Variants in VWA3B observed in about 807,000 individuals in gnomAD.
VWA3B encodes von Willebrand factor A domain containing 3B, also known as von Willebrand factor A domain-containing protein 3B.
In VWA3B, 138 loss-of-function variants were observed where a neutral mutation model predicts 158.3. The ratio of observed to expected loss-of-function variants is 0.87; its 90% confidence interval spans 0.76 to 1.00. The LOEUF (loss-of-function observed/expected upper bound fraction) is 1.00. VWA3B is among the 50% of genes least tolerant of loss of function. The pLI, the probability that VWA3B is intolerant of heterozygous loss-of-function variation, is 0.00. For synonymous variants in VWA3B, 596 were observed against 587.3 expected (o/e 1.01, Z -0.21); for missense variants, 1,555 against 1,565.1 (o/e 0.99, Z 0.11).
At chr2:98,290,412 C>A in intron 22 of VWA3B, 99 bp from the exon 23 acceptor site, 1 of 890,316 alleles carries the variant, frequency 1.1e-6, no homozygotes, top group Non-Finnish European at 1.7e-6. Context: ...TGGATGGGGA[C>A]ACAGAGCCAA....
the VWA3B span, among the ~76,000 whole-genome samples, chr2:98,324,639 CAG>C: frequency 6.6e-6 from 1 of 152,182 alleles, no homozygotes; most frequent in African/African-American, 2.4e-5. Context: ...TAACAGAATT[CAG>C]AGTCTCTACA....
chr2:98,179,157 G>C, intron 8 of VWA3B: 1 of 467,156 alleles, frequency 2.1e-6, no homozygotes, highest in South Asian at 1.6e-5. Flanking sequence ...GATGTGCACA[G>C]CCAGCTCCAG....
chr2:98,156,450 A>G (rs1678083632), intron 7 of VWA3B, among the ~76,000 whole-genome samples: 1 of 152,180 alleles, frequency 6.6e-6, no homozygotes. Flanking sequence ...TCACAGAGAT[A>G]GGGCCGTTGC....
intron 14 of VWA3B, among the ~76,000 whole-genome samples, chr2:98,227,964 A>C (rs1685047052): frequency 6.6e-6 from 1 of 152,208 alleles, no homozygotes; most frequent in African/African-American, 2.4e-5. Context: ...AAAATTCTTT[A>C]GATTCTTCTT....
Position 98,121,414 on chromosome 2 carries a change from G to T in VWA3B, c.658G>T (p.Ala220Ser), listed in dbSNP as rs774738466. The T allele has an allele frequency of 1.2e-6, 2 of 1,614,200 alleles. No homozygotes were observed. Among genetic ancestry groups the T allele is most frequent in the Non-Finnish European group, 1.7e-6 (2 of 1,180,040 alleles). ...GACGGTTGAGCTGACTGTGAGCGAGGCTGGCCGCCTGGATGCTCTGCTGGA... is the reference window on the plus strand; with the variant it reads ...GACGGTTGAGCTGACTGTGAGCGAGTCTGGCCGCCTGGATGCTCTGCTGGA... ...KLTVELTVSE[A>S]GRLDALLEAG... Residue 220 changes from alanine to serine, a missense_variant, in exon 5 of 28, where the codon GCT (alanine) becomes TCT (serine). Transcript: ENST00000477737.
chr2:98,101,451 A>G (rs1027332809), intron 2 of VWA3B, among the ~76,000 whole-genome samples: 1 of 152,210 alleles, frequency 6.6e-6, no homozygotes, highest in Non-Finnish European at 1.5e-5. Flanking sequence ...TACTCCTTCA[A>G]TCAGGGAAAT....
intron 8 of VWA3B, chr2:98,179,139 A>T (rs1465614097): frequency 2.2e-6 from 1 of 460,276 alleles, no homozygotes; most frequent in Non-Finnish European, 4.5e-6. Context: ...CCCAGCATGG[A>T]GTTGGGAGAT....
At chr2:98,294,937 G>A (rs963041826) in intron 23 of VWA3B, among the ~76,000 whole-genome samples, 5 of 152,152 alleles carry the variant, frequency 3.3e-5, no homozygotes, top group Non-Finnish European at 7.4e-5. Flanking sequence ...GATTAAATGC[G>A]ATGACGTACA....
Position 98,227,052 on chromosome 2 carries a change from G to A in VWA3B, c.2020-1150G>A, listed in dbSNP as rs184737968. Among the ~76,000 whole-genome samples the A allele has an allele frequency of 1.2e-4, 18 of 152,136 alleles. No homozygotes were observed. In the East Asian group the frequency reaches 1.9e-3, roughly 16 times the overall value. ...TATTGGATTTCTGGCCAGGGCAATC[G>A]GGCAAGAGAAAGAAATAAAGGGTGT... On this transcript the variant is annotated intron_variant, in intron 14 of 27. Transcript: ENST00000477737.
At chr2:98,164,697 T>A (rs2105257860) in intron 8 of VWA3B, among the ~76,000 whole-genome samples, 1 of 152,352 alleles carries the variant, frequency 6.6e-6, no homozygotes. Flanking sequence ...TTTCCATGAT[T>A]TAATTAGCAC....
chr2:98,144,488 T>G (rs1402289793), intron 7 of VWA3B, among the ~76,000 whole-genome samples: 3 of 152,140 alleles, frequency 2.0e-5, no homozygotes, highest in East Asian at 1.9e-4. Flanking sequence ...TTGGCTGAAG[T>G]TCCTCTTCTA....
rs183145214 is a variant in VWA3B, at chr2:98,199,977, A to G, written c.1737+5485A>G. On this transcript the variant is annotated intron_variant, in intron 12 of 27. Coordinates refer to ENST00000477737, the MANE Select transcript of VWA3B (RefSeq NM_144992.5). The stretch of plus-strand genomic sequence containing the variant: ...CGTTTTGCATTCCCGTCAGTGATAT[A>G]TGAGAGTTACCATTACTTTACATCT... 6.4e-3 allele frequency among the ~76,000 whole-genome samples: 970 copies of G among 152,322 alleles called. 102 individuals carry two copies. In the South Asian group the frequency reaches 0.19, roughly 29 times the overall value.
chr2:98,230,219 C>T lies in VWA3B; in HGVS notation c.2308+12C>T. On this transcript the variant is annotated intron_variant, in intron 16 of 27. Coordinates refer to ENST00000477737, the MANE Select transcript of VWA3B (RefSeq NM_144992.5). ...AGTCCTTCACGCAGGTATCAGTGAA[C>T]AAAATGGCTTGACTCTTTGCTGGTT... 6.5e-7 allele frequency: 1 copy of T among 1,533,892 alleles called. No individual in the cohort carries two copies. The highest frequency in any genetic ancestry group is 1.3e-5 in the South Asian group (1 of 76,512).
chr2:98,193,824 G>A (rs770409903), intron 11 of VWA3B, among the ~76,000 whole-genome samples: 11 of 152,048 alleles, frequency 7.2e-5, no homozygotes, highest in Non-Finnish European at 7.4e-5. Context: ...TCCTGACCTC[G>A]TGATCCGCCC....
chr2:98,219,481 A>G (rs368807967), intron 14 of VWA3B, among the ~76,000 whole-genome samples: 33 of 152,362 alleles, frequency 2.2e-4, no homozygotes, highest in South Asian at 1.2e-3. Context: ...CAGAGCATCA[A>G]TGAGTCGTGG....
intron 7 of VWA3B, among the ~76,000 whole-genome samples, chr2:98,151,395 G>A (rs944691598): frequency 3.9e-5 from 6 of 152,284 alleles, no homozygotes; most frequent in African/African-American, 9.6e-5. Flanking sequence ...GTGAGCCACC[G>A]CTTCCAGCAA....
At chr2:98,220,937 A>G (rs1049826262) in intron 14 of VWA3B, among the ~76,000 whole-genome samples, 6 of 152,120 alleles carry the variant, frequency 3.9e-5, no homozygotes, top group Non-Finnish European at 7.3e-5. Context: ...ACATGGACAC[A>G]GGGAGGGGAA....
chr2:98,308,769 C>T (rs1472182561), intron 26 of VWA3B, among the ~76,000 whole-genome samples: 2 of 152,242 alleles, frequency 1.3e-5, no homozygotes, highest in African/African-American at 2.4e-5. Flanking sequence ...TGAATACACA[C>T]ACCTGGTGCC....
chr2:98,129,310 CAT>C (rs1389822281), intron 6 of VWA3B, among the ~76,000 whole-genome samples: 4 of 136,162 alleles, frequency 2.9e-5, no homozygotes, highest in African/African-American at 1.1e-4. Context: ...AGGAGAGAGA[CAT>C]TGTGTGTGTG....
Sources: allele counts gnomAD v4.1 joint callset (sites outside exome capture counted in the v4.1 genomes callset), GRCh38; gene constraint gnomAD v4.1.1; transcripts MANE v1.5; gene names NCBI Gene and HGNC (gene_info 2026-07-23, HGNC 2026-07-21).